Variants in IL10RA observed in about 807,000 individuals in gnomAD.
IL10RA encodes the protein interleukin 10 receptor subunit alpha.
In IL10RA, 18 loss-of-function variants were observed where a neutral mutation model predicts 29.6. The ratio of observed to expected loss-of-function variants is 0.61; its 90% CI spans 0.42 to 0.90. The LOEUF is 0.90. Among genes scored for constraint, IL10RA ranks in the 40% least tolerant of loss-of-function variants. The pLI is 0.00. For missense variants in IL10RA, 634 were observed against 716.6 expected (o/e 0.88, Z 1.32); for synonymous variants, 292 against 294.1 (o/e 0.99, Z 0.07).
At chr11:117,988,052 G>A in intron 1 of IL10RA, 1 of 397,526 alleles carries the variant, frequency 2.5e-6, no homozygotes, top group Non-Finnish European at 4.8e-6. Context: ...ATTGGGCAGA[G>A]CCAGGGACTA....
At chr11:117,988,912 C>G (rs898602090) in intron 2 of IL10RA, among the ~76,000 whole-genome samples, 1 of 152,162 alleles carries the variant, frequency 6.6e-6, no homozygotes, top group African/African-American at 2.4e-5. Flanking sequence ...AGGGGTCCAC[C>G]ACCATGCCTG....
intron 5 of IL10RA, among the ~76,000 whole-genome samples, chr11:117,994,744 G>C (rs2058045806): frequency 6.6e-6 from 1 of 152,184 alleles, no homozygotes; most frequent in African/African-American, 2.4e-5. Flanking sequence ...ACTCTTATTG[G>C]ACAGCAGATG....
In IL10RA at chr11:117,999,319, G is replaced by A. The variant is rs758014559; in HGVS notation, c.1415G>A (p.Gly472Asp). Residue 472 changes from glycine to aspartate, a missense_variant, in exon 7 of 7, where the codon GGC becomes GAC. By Grantham distance (94) the Gly-to-Asp change is moderately conservative. Transcript: ENST00000227752. ...CLEEESPLTD[G>D]LGPKFGRCLV... Reference sequence around the variant, plus strand: ...GAGGAAGAATCGCCCTTGACAGATGGCCTTGGCCCCAAATTCGGGAGATGC... The same window carrying A: ...GAGGAAGAATCGCCCTTGACAGATGACCTTGGCCCCAAATTCGGGAGATGC... 2.2e-5 allele frequency: 35 copies of A among 1,614,238 alleles called. 1 individual carries two copies. In the Admixed American group the frequency reaches 5.8e-4, roughly 27 times the overall value.
chr11:117,986,593 A>G (rs554848434), intron 1 of IL10RA, 59 bp downstream of exon 1: 13 of 1,547,298 alleles, frequency 8.4e-6, no homozygotes, highest in Non-Finnish European at 1.0e-5. Context: ...GCTCCATTAA[A>G]GTTCTCCATC....
At chr11:117,988,290 C>A in intron 1 of IL10RA, 92 bp from the exon 2 acceptor site, 2 of 1,547,962 alleles carry the variant, frequency 1.3e-6, no homozygotes, top group Non-Finnish European at 1.8e-6. Flanking sequence ...CGAGTCATAG[C>A]CTCTCTGAAC....
intron 1 of IL10RA, 24 bp downstream of exon 1, chr11:117,986,558 T>TCCCTG (rs555284910): frequency 1.9e-6 from 3 of 1,550,954 alleles, no homozygotes; most frequent in South Asian, 1.2e-5. Flanking sequence ...ACGCGGCCCT[T>TCCCTG]CCCTGCCCTG....
intron 6 of IL10RA, 54 bp from the exon 7 acceptor site, chr11:117,998,661 G>A: frequency 6.6e-7 from 1 of 1,525,214 alleles, no homozygotes; most frequent in Middle Eastern, 1.7e-4. Flanking sequence ...GCAGCACTGG[G>A]ATGGGTGCTG....
At chr11:117,996,133 G>C (rs1298913550) in intron 6 of IL10RA, among the ~76,000 whole-genome samples, 1 of 152,194 alleles carries the variant, frequency 6.6e-6, no homozygotes, top group East Asian at 1.9e-4. Flanking sequence ...GTCAGGGAGG[G>C]AACCCACTTT....
rs1335918571 is a variant in IL10RA, at chr11:117,999,106, G to A, written c.1202G>A (p.Ser401Asn). Residue 401 changes from serine (S) to asparagine (N), a missense_variant, in exon 7 of 7, where the codon AGT becomes AAT. Ser to Asn is a conservative substitution (Grantham distance 46). Transcript: ENST00000227752. ...AGCAACAGCAGGGGCCAGGATGACA[G>A]TGGCATTGACTTAGTTCAAAACTCT... ...VGSNSRGQDDSGIDLVQNSEG... is the reference protein window; with the variant it reads ...VGSNSRGQDDNGIDLVQNSEG... 6.2e-7 allele frequency: 1 copy of A among 1,611,544 alleles called. No homozygotes were observed. The highest frequency in any genetic ancestry group is 1.3e-5 in the African/African-American group (1 of 75,038).
intron 2 of IL10RA, among the ~76,000 whole-genome samples, chr11:117,988,732 T>G (rs767643551): frequency 1.3e-5 from 2 of 152,148 alleles, no homozygotes; most frequent in Non-Finnish European, 2.9e-5. Context: ...AGAAAAGCCT[T>G]GTGCCAAGGC....
At chr11:117,995,904 C>T (rs891837088) in intron 6 of IL10RA, among the ~76,000 whole-genome samples, 194 bp downstream of exon 6, 2 of 152,214 alleles carry the variant, frequency 1.3e-5, no homozygotes, top group South Asian at 2.1e-4. Context: ...AGCCCAGTAC[C>T]GAGAATGTTG....
At position 117,998,835 on chromosome 11, in the gene IL10RA, T is replaced by C. The variant is rs148808529; in HGVS notation, c.931T>C (p.Leu311=). The part of the protein sequence containing the change: ...FLKVSPELKN[L]DLHGSTDSGF... ...GAAGGTGTCCCCAGAGCTGAAGAAC[T>C]TGGACCTGCACGGCAGCACAGACAG... Residue 311 remains leucine (L), a synonymous_variant, in exon 7 of 7, where the codon TTG becomes CTG. Coordinates refer to ENST00000227752, the MANE Select transcript of IL10RA (RefSeq NM_001558.4). The C allele has an allele frequency of 1.7e-4, 282 of 1,614,080 alleles. 1 individual carries two copies. Among genetic ancestry groups the C allele is most frequent in the Middle Eastern group, 1.2e-3 (7 of 6,084 alleles).
downstream of IL10RA, chr11:118,001,756 A>G (rs2135001161): frequency 4.3e-6 from 1 of 232,060 alleles, no homozygotes; most frequent in South Asian, 5.9e-5. Context: ...TGTAAATGAA[A>G]TTGCACATAA....
At chr11:117,986,560 C>G in intron 1 of IL10RA, 26 bp downstream of exon 1, 1 of 1,550,514 alleles carries the variant, frequency 6.4e-7, no homozygotes, top group East Asian at 2.4e-5. Context: ...GCGGCCCTTC[C>G]CTGCCCTGCC....
chr11:117,986,512 C>T lies in IL10RA; in HGVS notation c.45C>T (p.Leu15=), dbSNP rs1230361448. 2.6e-6 allele frequency: 4 copies of T among 1,556,090 alleles called. No homozygotes were observed. The South Asian group carries it at 4.7e-5, about 18-fold the overall frequency. Residue 15 remains leucine, a synonymous_variant, in exon 1 of 7, where the codon CTC becomes CTT. Coordinates refer to ENST00000227752, the MANE Select transcript of IL10RA (RefSeq NM_001558.4). The part of the protein sequence containing the change: ...LVVLLAALLS[L]RLGSDAHGTE... ...TGCTGCTGGCGGCGCTCCTCAGCCT[C>T]CGTCTTGGCTCAGACGCTCATGGTA...
chr11:117,996,808 C>T (rs1166972676), intron 6 of IL10RA, among the ~76,000 whole-genome samples: 2 of 152,180 alleles, frequency 1.3e-5, no homozygotes, highest in Non-Finnish European at 2.9e-5. Context: ...GTCTCGAACT[C>T]CTGACCTCCG....
At position 117,989,424 on chromosome 11, in the gene IL10RA, A is replaced by G. The variant is rs1447761091; in HGVS notation, c.189-18A>G. 6.2e-7 allele frequency: 1 copy of G among 1,610,000 alleles called. No individual in the cohort carries two copies. The highest frequency in any genetic ancestry group is 8.5e-7 in the Non-Finnish European group (1 of 1,176,158). On this transcript the variant is annotated intron_variant, in intron 2 of 6. Coordinates refer to ENST00000227752, the MANE Select transcript of IL10RA (RefSeq NM_001558.4). This position sits in a 1 kb window ranked among gnomAD's most constrained non-coding sequence, Gnocchi z 4.5. The stretch of plus-strand genomic sequence containing the variant: ...GAGCACAAGCTCGTTTCCAGTGCCT[A>G]ACCTGGTATCTCCTCAGGTATGGAA...
In IL10RA at chr11:117,988,383, G is replaced by C. The variant is rs2058000891; in HGVS notation, c.69G>C (p.Gly23=). 6.2e-7 allele frequency: 1 copy of C among 1,613,952 alleles called. No individual in the cohort carries two copies. The highest frequency in any genetic ancestry group is 1.3e-5 in the African/African-American group (1 of 74,906). ...LSLRLGSDAH[G]TELPSPPSVW... Reference sequence around the variant, plus strand: ...TGGTACTGACACTCTTCTCCCCAGGGACAGAGCTGCCCAGCCCTCCGTCTG... The same window carrying C: ...TGGTACTGACACTCTTCTCCCCAGGCACAGAGCTGCCCAGCCCTCCGTCTG... Residue 23 remains glycine (G), a splice_region_variant and synonymous_variant, in exon 2 of 7, where the codon GGG becomes GGC. Transcript: ENST00000227752.
chr11:118,000,076 G>A lies in IL10RA; in HGVS notation c.*435G>A. The A allele has an allele frequency of 4.4e-6, 2 of 458,858 alleles. No individual in the cohort carries two copies. Among genetic ancestry groups the A allele is most frequent in the South Asian group, 3.1e-5 (2 of 64,522 alleles). The allele number at this position is 458,858 out of a possible 1,614,324, so 28.4% of individuals were successfully genotyped here. ...TCGAGCATCAGAGCTTCCAGCAGGA[G>A]GAAGGGCTGTAGGAATGGAAGCTTC... On this transcript the variant is annotated 3_prime_UTR_variant, in exon 7 of 7. Coordinates refer to ENST00000227752, the MANE Select transcript of IL10RA (RefSeq NM_001558.4).
Sources: gnomAD v4.1 joint callset for allele counts (sites outside exome capture counted in the v4.1 genomes callset) on GRCh38, gnomAD v4.1.1 for gene constraint, Gnocchi (gnomAD v3.1) non-coding constraint, MANE v1.5 for transcripts, NCBI Gene and HGNC (gene_info 2026-07-23, HGNC 2026-07-21) for gene names.